EXO1: variants seen among roughly 807,000 people sequenced by gnomAD.
EXO1 encodes the protein exonuclease 1.
EXO1 carries 69 observed loss-of-function variants against 84.5 expected under a neutral mutation model. The ratio of observed to expected loss-of-function variants is 0.82; its 90% CI spans 0.67 to 1.00. EXO1 has a LOEUF of 1.00. Among genes scored for constraint, EXO1 ranks in the 50% least tolerant of loss-of-function variants. The pLI is 0.00. For synonymous variants in EXO1, 373 were observed against 366.1 expected, an observed-to-expected ratio of 1.02 and a Z score of -0.21; for missense variants, 1,045 against 1,000.7, an observed-to-expected ratio of 1.04 and a Z score of -0.60.
intron 15 of EXO1, chr1:241,885,728 C>G: frequency 2.0e-6 from 1 of 495,174 alleles, no homozygotes; most frequent in South Asian, 2.0e-5. Context: ...AGTTTTCAGT[C>G]TGGTTTTGGA....
intron 4 of EXO1, among the ~76,000 whole-genome samples, chr1:241,851,109 C>T (rs1434284742): frequency 6.6e-6 from 1 of 152,076 alleles, no homozygotes; most frequent in East Asian, 1.9e-4. Flanking sequence ...AGATTACAGG[C>T]GTGAGCCACC....
intron 11 of EXO1, 117 bp from the exon 12 acceptor site, chr1:241,871,915 T>G: frequency 4.2e-6 from 3 of 722,846 alleles, no homozygotes; most frequent in Non-Finnish European, 6.7e-6. Flanking sequence ...GGCATAGTTT[T>G]TTTTTTTTTT....
chr1:241,852,339 G>GGATCAAGCCT lies in EXO1; in HGVS notation c.210_219dup (p.Ile74AspfsTer8). ...TTTGTAAATATGTTACTATCTCATG[G>GGATCAAGCCT]GATCAAGCCTATTCTCGTATTTGAT... is the stretch of plus-strand genomic sequence containing the variant. On this transcript the variant is annotated frameshift_variant, in exon 5 of 16. Coordinates refer to ENST00000366548, the MANE Select transcript of EXO1 (RefSeq NM_130398.4). LOFTEE classifies it high-confidence loss of function. 6.3e-7 allele frequency: 1 copy of GGATCAAGCCT among 1,592,062 alleles called. No individual in the cohort carries two copies. The highest frequency in any genetic ancestry group is 8.6e-7 in the Non-Finnish European group (1 of 1,160,564).
intron 6 of EXO1, among the ~76,000 whole-genome samples, chr1:241,856,418 T>C (rs1661041136): frequency 6.6e-6 from 1 of 152,084 alleles, no homozygotes; most frequent in African/African-American, 2.4e-5. Context: ...TTTAAAAGTA[T>C]TTTCTCATAA....
intron 6 of EXO1, among the ~76,000 whole-genome samples, chr1:241,856,408 T>G (rs1285599095): frequency 6.6e-6 from 1 of 152,054 alleles, no homozygotes; most frequent in East Asian, 1.9e-4. Flanking sequence ...GCAAGTTTAT[T>G]TTAAAAGTAT....
chr1:241,873,586 G>T (rs1662236057), intron 12 of EXO1, among the ~76,000 whole-genome samples: 2 of 152,046 alleles, frequency 1.3e-5, no homozygotes, highest in African/African-American at 2.4e-5. Flanking sequence ...TGACTGTGGA[G>T]CTGTAATATT....
Position 241,850,473 on chromosome 1 carries a change from C to A in EXO1, c.48C>A (p.Pro16=), listed in dbSNP as rs541805721. ...AATTTATCAAAGAAGCTTCAGAACC[C>A]ATCCATGTGAGGAAGTATAAAGGGC... ...LLQFIKEASE[P]IHVRKYKGQV... Residue 16 remains proline, a synonymous_variant, in exon 4 of 16, where the codon CCC becomes CCA. Coordinates refer to ENST00000366548, the MANE Select transcript of EXO1 (RefSeq NM_130398.4). The A allele has an allele frequency of 6.2e-7, 1 of 1,613,916 alleles. No individual in the cohort carries two copies. Among genetic ancestry groups the A allele is most frequent in the Admixed American group, 1.7e-5 (1 of 60,026 alleles).
At position 241,855,042 on chromosome 1, in the gene EXO1, G is replaced by A. The variant is rs574660740; in HGVS notation, c.405+1561G>A. ...GAGTGTTACAGCTCATAAAAGCAGC[G>A]TGGACCCAAAGAGTGAGCAGTAGCA... On this transcript the variant is annotated intron_variant, in intron 6 of 15. Transcript: ENST00000366548. Among the ~76,000 whole-genome samples, 11 of 152,314 alleles carry A rather than the reference G, an allele frequency of 7.2e-5. No homozygotes were observed. In the East Asian group the frequency reaches 1.9e-3, roughly 27 times the overall value.
At chr1:241,852,123 T>C (rs1227527949) in intron 4 of EXO1, among the ~76,000 whole-genome samples, 169 bp from the exon 5 acceptor site, 1 of 152,212 alleles carries the variant, frequency 6.6e-6, no homozygotes, top group Non-Finnish European at 1.5e-5. Flanking sequence ...AAGGCAGGAT[T>C]TGAATCCAAG....
rs1417172134 is a variant in EXO1 at position 241,865,100 on chromosome 1, C to T, written c.1042-1730C>T. ...GCCCAGGCTAGTCTTGAACTCCTGG[C>T]CTGAAGCAGTCATTCTGCCTTGGCC... On this transcript the variant is annotated intron_variant, in intron 10 of 15. Coordinates refer to ENST00000366548, the MANE Select transcript of EXO1 (RefSeq NM_130398.4). Among the ~76,000 whole-genome samples, 9 of 150,852 alleles carry T rather than the reference C, an allele frequency of 6.0e-5. No homozygotes were observed. In the South Asian group the frequency reaches 1.7e-3, roughly 28 times the overall value.
intron 14 of EXO1, 69 bp from the exon 15 acceptor site, chr1:241,885,245 A>T: frequency 8.8e-6 from 7 of 794,030 alleles, no homozygotes; most frequent in Admixed American, 2.4e-5. Flanking sequence ...AGTAAAGAAT[A>T]AAGAATAGCT....
chr1:241,866,711 C>T, intron 10 of EXO1, 119 bp from the exon 11 acceptor site: 1 of 771,656 alleles, frequency 1.3e-6, no homozygotes, highest in South Asian at 1.5e-5. Context: ...GCTGTTTCAT[C>T]AACAGCTATT....
In EXO1 at chr1:241,879,248, T is replaced by C. The variant is rs779074410; in HGVS notation, c.2014T>C (p.Cys672Arg). Reference sequence around the variant, plus strand: ...GTCTCATCCCTTACGAGAAGAGGCATGTTCTTCACAGTCCCAGGAAAGTGG... The same window carrying C: ...GTCTCATCCCTTACGAGAAGAGGCACGTTCTTCACAGTCCCAGGAAAGTGG... The part of the protein sequence containing the change: ...DESHPLREEA[C>R]SSQSQESGEF... Residue 672 changes from cysteine to arginine, a missense_variant, in exon 13 of 16, where the codon TGT becomes CGT. Physicochemically the swap from Cys to Arg is radical, Grantham distance 180 (BLOSUM62 -3). Transcript: ENST00000366548. 1.3e-6 allele frequency: 2 copies of C among 1,599,184 alleles called. No homozygotes were observed. The highest frequency in any genetic ancestry group is 1.7e-6 in the Non-Finnish European group (2 of 1,173,870).
At chr1:241,875,388 T>G (rs1207445136) in intron 12 of EXO1, among the ~76,000 whole-genome samples, 1 of 152,246 alleles carries the variant, frequency 6.6e-6, no homozygotes, top group East Asian at 1.9e-4. Flanking sequence ...AATGAACCAC[T>G]GGTAGTTTCT....
rs4149983 is a variant in EXO1, at chr1:241,881,695, T to G, written c.2110-221T>G. Among the ~76,000 whole-genome samples the G allele has an allele frequency of 7.0e-3, 1,068 of 152,316 alleles. 12 individuals are homozygous for G. The highest frequency in any genetic ancestry group is 0.022 in the African/African-American group (932 of 41,582). On this transcript the variant is annotated intron_variant, in intron 13 of 15. Transcript: ENST00000366548. Reference sequence around the variant, plus strand: ...AACAGTTCAGAAAAGACTTTAATTTTAAATAGATATTTTATATAATTTACC... The same window carrying G: ...AACAGTTCAGAAAAGACTTTAATTTGAAATAGATATTTTATATAATTTACC...
intron 12 of EXO1, among the ~76,000 whole-genome samples, chr1:241,873,707 T>C (rs943222256): frequency 6.6e-6 from 1 of 152,172 alleles, no homozygotes; most frequent in Admixed American, 6.5e-5. Flanking sequence ...TAAAAATCTT[T>C]CCATACAGTA....
chr1:241,850,390 C>G lies in EXO1; in HGVS notation c.-17-19C>G. The G allele has an allele frequency of 2.0e-6, 3 of 1,510,298 alleles. No homozygotes were observed. Among genetic ancestry groups the G allele is most frequent in the Non-Finnish European group, 2.8e-6 (3 of 1,085,934 alleles). The allele number at this position is 1,510,298 out of a possible 1,614,324, so 93.6% of individuals were successfully genotyped here. The stretch of plus-strand genomic sequence containing the variant: ...TTTTCTTTAAATATTACTGTTCTCC[C>G]TGTCTCTTTTCATATCAGGTAGTTA... On this transcript the variant is annotated intron_variant, in intron 3 of 15. Coordinates refer to ENST00000366548, the MANE Select transcript of EXO1 (RefSeq NM_130398.4).
Position 241,852,300 on chromosome 1 carries a change from G to T in EXO1, c.170G>T (p.Gly57Val), listed in dbSNP as rs1450637370. ...TTTCTTTTTTTCCATAGGTATGTAG[G>T]ATTTTGTATGAAATTTGTAAATATG... Reference protein sequence around the residue: ...AKGEPTDRYVGFCMKFVNMLL... With the variant: ...AKGEPTDRYVVFCMKFVNMLL... The change falls in exon 5 of 16, where the codon GGA (glycine) becomes GTA (valine). Residue 57 changes from glycine to valine, a missense_variant. By Grantham distance (109) the Gly-to-Val change is moderately radical. Transcript: ENST00000366548. 4.0e-5 allele frequency: 64 copies of T among 1,602,244 alleles called. No homozygotes were observed. Among genetic ancestry groups the T allele is most frequent in the Non-Finnish European group, 5.1e-5 (60 of 1,170,628 alleles).
chr1:241,858,599 G>A lies in EXO1; in HGVS notation c.637G>A (p.Glu213Lys). ...ACAGCTTGGGGATGTATTCACGGAA[G>A]AGAAGTTTCGTTACATGTGTATTCT... ...CRQLGDVFTE[E>K]KFRYMCILSG... Residue 213 changes from glutamate (E) to lysine (K), a missense_variant, in exon 8 of 16, where the codon GAG (glutamate) becomes AAG (lysine). Physicochemically the swap from Glu to Lys is moderately conservative, Grantham distance 56 (BLOSUM62 1). Coordinates refer to ENST00000366548, the MANE Select transcript of EXO1 (RefSeq NM_130398.4). 6.2e-7 allele frequency: 1 copy of A among 1,614,086 alleles called. No individual in the cohort carries two copies. The highest frequency in any genetic ancestry group is 8.5e-7 in the Non-Finnish European group (1 of 1,179,950).
Sources: gnomAD v4.1 joint callset for allele counts (sites outside exome capture counted in the v4.1 genomes callset) on GRCh38, gnomAD v4.1.1 for gene constraint, MANE v1.5 for transcripts, NCBI Gene and HGNC (gene_info 2026-07-23, HGNC 2026-07-21) for gene names.